The following DLG2 variants were observed in gnomAD, a reference collection of about 807,000 sequenced individuals.
The protein encoded by DLG2 is disks large homolog 2.
DLG2 carries 45 observed loss-of-function variants against 132.5 expected under a neutral mutation model. That is an observed-to-expected ratio of 0.34 (90% CI 0.27 to 0.44). DLG2 has a LOEUF of 0.44. DLG2 is among the 20% of genes least tolerant of loss of function. The pLI is 1.00. For synonymous variants in DLG2, 424 were observed against 419.6 expected (o/e 1.01, Z -0.13); for missense variants, 1,045 against 1,196.9 (o/e 0.87, Z 1.87).
chr11:84,226,074 G>A (rs1307032513), intron 8 of DLG2, among the ~76,000 whole-genome samples: 1 of 152,216 alleles, frequency 6.6e-6, no homozygotes, highest in Non-Finnish European at 1.5e-5. Flanking sequence ...GCCTCCCAAA[G>A]CGTTGGGATT....
At chr11:85,314,006 G>A (rs7118453) in intron 3 of DLG2, among the ~76,000 whole-genome samples, 5,282 of 152,084 alleles carry the variant, frequency 0.035, 143 homozygotes, top group Admixed American at 0.048. Flanking sequence ...ATAAGGAAGA[G>A]CTTTACAGAA....
chr11:85,051,339 G>A (rs746741399), intron 6 of DLG2, among the ~76,000 whole-genome samples: 75 of 152,100 alleles, frequency 4.9e-4, no homozygotes, highest in Admixed American at 8.5e-4. Flanking sequence ...CCCAAAATTT[G>A]CTTGATTACT....
At chr11:84,962,990 T>G (rs1031357843) in intron 6 of DLG2, among the ~76,000 whole-genome samples, 1 of 152,178 alleles carries the variant, frequency 6.6e-6, no homozygotes, top group African/African-American at 2.4e-5. Flanking sequence ...AGACTCATTA[T>G]CTCTTATCCC....
At chr11:84,363,550 A>G (rs1600675027) in intron 7 of DLG2, among the ~76,000 whole-genome samples, 1 of 151,438 alleles carries the variant, frequency 6.6e-6, no homozygotes, top group African/African-American at 2.4e-5. Context: ...TTCTGTTGCC[A>G]TTGCTTTTGG....
At chr11:85,105,272 GC>G (rs1209431738) in intron 6 of DLG2, among the ~76,000 whole-genome samples, 1 of 151,748 alleles carries the variant, frequency 6.6e-6, no homozygotes, top group African/African-American at 2.4e-5. Flanking sequence ...CCCTTTCTGG[GC>G]ATATTTCAAA....
At chr11:85,134,580 G>GA (rs1555381470) in intron 5 of DLG2, among the ~76,000 whole-genome samples, 1 of 146,782 alleles carries the variant, frequency 6.8e-6, no homozygotes, top group Non-Finnish European at 1.5e-5. Flanking sequence ...AAACAATTTG[G>GA]AAAAAAATAA....
At chr11:84,099,080 T>C (rs2092148115) in intron 9 of DLG2, 33 bp from the exon 10 acceptor site, 2 of 1,602,758 alleles carry the variant, frequency 1.2e-6, no homozygotes, top group African/African-American at 1.3e-5. Context: ...TTAAATGATG[T>C]GTCTGTCACC....
chr11:84,767,605 G>A (rs1271179486), intron 6 of DLG2, among the ~76,000 whole-genome samples: 1 of 151,798 alleles, frequency 6.6e-6, no homozygotes, highest in Non-Finnish European at 1.5e-5. Context: ...TCCTAACCTG[G>A]AACATGTTTC....
At chr11:84,899,479 C>T (rs1019123664) in intron 6 of DLG2, among the ~76,000 whole-genome samples, 3 of 152,016 alleles carry the variant, frequency 2.0e-5, no homozygotes, top group Non-Finnish European at 2.9e-5. Context: ...GGGACCTCAC[C>T]GTGCAACAAA....
chr11:85,045,454 G>C (rs932890652), intron 6 of DLG2, among the ~76,000 whole-genome samples: 2 of 151,970 alleles, frequency 1.3e-5, no homozygotes, highest in African/African-American at 4.8e-5. Flanking sequence ...TTTTGTGGTA[G>C]TTAAACTATA....
At chr11:85,368,352 T>C (rs1459122581) in intron 3 of DLG2, among the ~76,000 whole-genome samples, 1 of 152,220 alleles carries the variant, frequency 6.6e-6, no homozygotes, top group South Asian at 2.1e-4. Flanking sequence ...CACTTCTCAA[T>C]AAATTGATGA....
At chr11:84,816,623 T>C (rs2077110907) in intron 6 of DLG2, among the ~76,000 whole-genome samples, 1 of 151,850 alleles carries the variant, frequency 6.6e-6, no homozygotes, top group Admixed American at 6.6e-5. Context: ...ATAACAGCCC[T>C]GCAAGAAAGC....
chr11:83,810,151 C>T (rs1242197857), intron 17 of DLG2, among the ~76,000 whole-genome samples: 4 of 151,992 alleles, frequency 2.6e-5, no homozygotes, highest in Admixed American at 6.6e-5. Flanking sequence ...GAGTGTTTGA[C>T]AATGTAAATT....
At chr11:83,890,507 C>G (rs11233788) in intron 15 of DLG2, among the ~76,000 whole-genome samples, 14,663 of 151,582 alleles carry the variant, frequency 0.097, 837 homozygotes, top group Middle Eastern at 0.2. Flanking sequence ...ATGGGAGACA[C>G]CACTGTGATG....
chr11:83,464,637 G>A (rs1186868126), intron 26 of DLG2, among the ~76,000 whole-genome samples: 1 of 152,192 alleles, frequency 6.6e-6, no homozygotes, highest in Admixed American at 6.5e-5. Context: ...AAGTGGCTGT[G>A]ACAGTGCCCT....
intron 21 of DLG2, among the ~76,000 whole-genome samples, chr11:83,530,853 CTG>C (rs1378752444): frequency 6.6e-6 from 1 of 151,932 alleles, no homozygotes; most frequent in African/African-American, 2.4e-5. Context: ...CACTAGAAAA[CTG>C]TGGCTTTAGC....
At chr11:84,978,189 C>T (rs988022960) in intron 6 of DLG2, among the ~76,000 whole-genome samples, 1 of 152,174 alleles carries the variant, frequency 6.6e-6, no homozygotes, top group Non-Finnish European at 1.5e-5. Flanking sequence ...AGAGAAAACT[C>T]CGTCAGAAAG....
At chr11:85,417,201 T>A (rs919991796) in intron 3 of DLG2, among the ~76,000 whole-genome samples, 5 of 152,316 alleles carry the variant, frequency 3.3e-5, no homozygotes, top group African/African-American at 1.2e-4. Flanking sequence ...ATTGAGATAA[T>A]CATGTGGTTT....
At chr11:83,878,275 C>A (rs529895214) in intron 15 of DLG2, among the ~76,000 whole-genome samples, 17 of 152,264 alleles carry the variant, frequency 1.1e-4, no homozygotes, top group African/African-American at 3.9e-4. Context: ...ACACAAAAGA[C>A]CCTTCATCAA....
Sources: allele counts gnomAD v4.1 joint callset (sites outside exome capture counted in the v4.1 genomes callset), GRCh38; gene constraint gnomAD v4.1.1; transcripts MANE v1.5; gene names NCBI Gene and HGNC (gene_info 2026-07-23, HGNC 2026-07-21).